Variants in MYT1L observed in about 807,000 individuals in gnomAD.
MYT1L encodes the protein myelin transcription factor 1 like.
In MYT1L, 12 loss-of-function variants were observed where a neutral mutation model predicts 126.7. The observed-to-expected ratio is 0.09, with a 90% CI of 0.06 to 0.15. The LOEUF (loss-of-function observed/expected upper bound fraction) is 0.15, where lower values mean the gene tolerates loss of function less well. Ranked by LOEUF, MYT1L falls within the 10% of genes least tolerant of loss-of-function variation. The pLI is 1.00. For synonymous variants in MYT1L, 541 were observed against 604.2 expected, an observed-to-expected ratio of 0.90 and a Z score of 1.53; for missense variants, 979 against 1,585.2, an observed-to-expected ratio of 0.62 and a Z score of 6.49.
At chr2:2,119,859 A>AT (rs201055665) in intron 3 of MYT1L, among the ~76,000 whole-genome samples, 199 of 151,780 alleles carry the variant, frequency 1.3e-3, no homozygotes, top group African/African-American at 4.0e-3. Context: ...AAGTGAAAGT[A>AT]TTTTTTTTTA....
At chr2:2,293,515 G>T (rs1333800755) in intron 1 of MYT1L, among the ~76,000 whole-genome samples, 1 of 152,198 alleles carries the variant, frequency 6.6e-6, no homozygotes, top group Non-Finnish European at 1.5e-5. Context: ...GTGGAGCTGG[G>T]CTTCCCTCGG....
At chr2:2,093,312 G>A (rs970743134) in intron 3 of MYT1L, among the ~76,000 whole-genome samples, 3 of 150,950 alleles carry the variant, frequency 2.0e-5, no homozygotes, top group African/African-American at 4.9e-5. Flanking sequence ...CGGAGCAGGG[G>A]GTGGGGCGGG....
At chr2:2,270,523 A>C (rs1201212830) in intron 2 of MYT1L, among the ~76,000 whole-genome samples, 1 of 152,164 alleles carries the variant, frequency 6.6e-6, no homozygotes, top group Non-Finnish European at 1.5e-5. Flanking sequence ...GGTCTGTTCC[A>C]CTTGAGATTT....
At chr2:2,015,003 C>T (rs1480519335) in intron 4 of MYT1L, among the ~76,000 whole-genome samples, 1 of 152,158 alleles carries the variant, frequency 6.6e-6, no homozygotes, top group Non-Finnish European at 1.5e-5. Flanking sequence ...AGTGACACAG[C>T]GTTAAAATCA....
intron 3 of MYT1L, among the ~76,000 whole-genome samples, chr2:2,158,307 G>GA (rs1559175025): frequency 6.6e-6 from 1 of 152,120 alleles, no homozygotes; most frequent in South Asian, 2.1e-4. Flanking sequence ...TTGTTTCCTA[G>GA]AAAAAAATCT....
intron 3 of MYT1L, among the ~76,000 whole-genome samples, chr2:2,114,659 T>C (rs1270179299): frequency 1.3e-5 from 2 of 152,208 alleles, no homozygotes; most frequent in African/African-American, 4.8e-5. Flanking sequence ...TTCTGAAATA[T>C]AAGAGGTACC....
intron 2 of MYT1L, among the ~76,000 whole-genome samples, chr2:2,260,623 T>C (rs17039491): frequency 0.016 from 2,448 of 152,306 alleles, 61 homozygotes; most frequent in African/African-American, 0.056. Context: ...CGTATTTTTT[T>C]CTATCTTACA....
At chr2:2,283,016 G>A (rs79415769) in intron 2 of MYT1L, among the ~76,000 whole-genome samples, 18 of 152,138 alleles carry the variant, frequency 1.2e-4, no homozygotes, top group East Asian at 3.9e-4. Context: ...GAGAGGTTAC[G>A]GTGAGCCAAG....
At chr2:1,970,262 G>A (rs1167997334) in intron 8 of MYT1L, among the ~76,000 whole-genome samples, 1 of 152,140 alleles carries the variant, frequency 6.6e-6, no homozygotes, top group Non-Finnish European at 1.5e-5. Context: ...CAGGTGGACA[G>A]CCCCAGATAG....
At chr2:1,844,142 G>A (rs1484941666) in intron 19 of MYT1L, among the ~76,000 whole-genome samples, 2 of 152,084 alleles carry the variant, frequency 1.3e-5, no homozygotes, top group African/African-American at 2.4e-5. Flanking sequence ...TGTGCCCCAC[G>A]GGGTCCTCTC....
At chr2:2,182,999 G>A (rs2091702405) in intron 2 of MYT1L, among the ~76,000 whole-genome samples, 1 of 152,202 alleles carries the variant, frequency 6.6e-6, no homozygotes, top group South Asian at 2.1e-4. Context: ...CTGCCACAGA[G>A]GTGGGGAGGT....
intron 9 of MYT1L, among the ~76,000 whole-genome samples, chr2:1,937,298 G>A (rs1451982215): frequency 6.6e-6 from 1 of 152,260 alleles, no homozygotes; most frequent in East Asian, 1.9e-4. Context: ...AGTTCCTAAC[G>A]TCCGCGGCCA....
chr2:1,997,466 A>G (rs1313609019), intron 4 of MYT1L, 119 bp from the exon 5 acceptor site: 1 of 152,466 alleles, frequency 6.6e-6, no homozygotes, highest in East Asian at 1.9e-4. Context: ...TTCCTCCAGG[A>G]ACCAAATGTT....
At chr2:2,301,182 T>C (rs2095778668) in intron 1 of MYT1L, among the ~76,000 whole-genome samples, 2 of 152,212 alleles carry the variant, frequency 1.3e-5, no homozygotes. Flanking sequence ...TTCGCCCTTG[T>C]GCAGCTCAGT....
chr2:2,231,728 C>T (rs918549697), intron 2 of MYT1L, among the ~76,000 whole-genome samples: 3 of 152,128 alleles, frequency 2.0e-5, no homozygotes, highest in Admixed American at 6.5e-5. Flanking sequence ...CATTTACAGG[C>T]GTGGGACACC....
chr2:2,159,899 G>C (rs2087552672), intron 3 of MYT1L, among the ~76,000 whole-genome samples: 1 of 152,116 alleles, frequency 6.6e-6, no homozygotes, highest in South Asian at 2.1e-4. Context: ...TCAGCAGGCT[G>C]TGAGTGAATT....
chr2:1,868,899 T>C (rs1001745536), intron 18 of MYT1L, among the ~76,000 whole-genome samples: 2 of 152,200 alleles, frequency 1.3e-5, no homozygotes, highest in Non-Finnish European at 2.9e-5. Context: ...GTGGTGGCCA[T>C]GGGAGTGGGC....
At chr2:2,232,745 C>G (rs2094191183) in intron 2 of MYT1L, among the ~76,000 whole-genome samples, 1 of 152,152 alleles carries the variant, frequency 6.6e-6, no homozygotes, top group South Asian at 2.1e-4. Context: ...ACATTTGAAA[C>G]AGGAAGGCAG....
At chr2:2,182,805 C>T (rs2091681145) in intron 2 of MYT1L, among the ~76,000 whole-genome samples, 1 of 152,146 alleles carries the variant, frequency 6.6e-6, no homozygotes, top group African/African-American at 2.4e-5. Flanking sequence ...CCCAGCGCGG[C>T]CCACAATGGC....
Sources: allele counts gnomAD v4.1 joint callset (sites outside exome capture counted in the v4.1 genomes callset), GRCh38; gene constraint gnomAD v4.1.1; transcripts MANE v1.5; gene names NCBI Gene and HGNC (gene_info 2026-07-23, HGNC 2026-07-21).